ACMSD: variants seen among roughly 807,000 people sequenced by gnomAD.
ACMSD encodes aminocarboxymuconate semialdehyde decarboxylase.
A neutral mutation model predicts 45.9 loss-of-function variants in ACMSD; 37 were observed. The observed-to-expected ratio is 0.81, with a 90% confidence interval of 0.62 to 1.06. The LOEUF (loss-of-function observed/expected upper bound fraction) is 1.06. Among genes scored for constraint, ACMSD ranks in the 50% least tolerant of loss-of-function variants. The pLI, the probability that ACMSD is intolerant of heterozygous loss-of-function variation, is 0.00. For synonymous variants in ACMSD, 138 were observed against 148.8 expected (o/e 0.93, Z 0.53); for missense variants, 434 against 420.9 (o/e 1.03, Z -0.27).
Position 134,859,450 on chromosome 2 carries a change from T to C in ACMSD, c.199+93T>C, listed in dbSNP as rs557574825. On this transcript the variant is annotated intron_variant, in intron 3 of 9. Transcript: ENST00000356140. ...GACAACTTTATGTGATGGTAACTTC[T>C]GACCCCCTTTTCTCTGCCAGGACAG... 3.3e-6 allele frequency: 4 copies of C among 1,216,614 alleles called. No individual in the cohort carries two copies. The African/African-American group carries it at 5.9e-5, about 18-fold the overall frequency. The allele number at this position is 1,216,614 out of a possible 1,614,324, so 75.4% of individuals were successfully genotyped here. A position where few individuals can be genotyped will look rare whatever the true frequency, so the allele number is the denominator to read the frequency against.
chr2:134,897,967 T>G (rs1033278984), intron 8 of ACMSD, among the ~76,000 whole-genome samples: 18 of 151,238 alleles, frequency 1.2e-4, no homozygotes, highest in Admixed American at 6.6e-4. Flanking sequence ...TTTGAAAAAC[T>G]GTGGAATCAA....
rs1687736973 is a variant in ACMSD, at chr2:134,859,302, G to A, written c.144G>A (p.Val48=). The change falls in exon 3 of 10, where the codon GTG becomes GTA. Residue 48 remains valine, a synonymous_variant. Transcript: ENST00000356140. ...TGAAAGATGGGAAAGTCTTCAGAGT[G>A]GTGCGAGAGAATTGCTGGGATCCAG... is the stretch of plus-strand genomic sequence containing the variant. The part of the protein sequence containing the change: ...KLLKDGKVFR[V]VRENCWDPEV... The A allele has an allele frequency of 1.9e-6, 3 of 1,613,902 alleles. No individual in the cohort carries two copies. Among genetic ancestry groups the A allele is most frequent in the Non-Finnish European group, 1.7e-6 (2 of 1,179,986 alleles).
Position 134,871,712 on chromosome 2 carries a change from C to CACACACA in ACMSD, c.676+653_676+654insCACACAA, listed in dbSNP as rs1444636271. ...ACACACACACACACACACACACACACAATCAAACTACACATGTTACTCGCT... is the reference window on the plus strand; with the variant it reads ...ACACACACACACACACACACACACACACACACAAATCAAACTACACATGTTACTCGCT... On this transcript the variant is annotated intron_variant, in intron 7 of 9. Transcript: ENST00000356140. Among the ~76,000 whole-genome samples the CACACACA allele has an allele frequency of 4.0e-5, 6 of 151,098 alleles. No individual in the cohort carries two copies. The East Asian group carries it at 1.2e-3, about 29-fold the overall frequency.
intron 8 of ACMSD, among the ~76,000 whole-genome samples, chr2:134,884,870 C>G (rs143760134): frequency 6.6e-6 from 1 of 152,134 alleles, no homozygotes; most frequent in Non-Finnish European, 1.5e-5. Flanking sequence ...CCTCAAATAG[C>G]TCAAATTTAC....
At chr2:134,872,208 T>C (rs1052631492) in intron 7 of ACMSD, among the ~76,000 whole-genome samples, 1 of 152,134 alleles carries the variant, frequency 6.6e-6, no homozygotes, top group Non-Finnish European at 1.5e-5. Flanking sequence ...CTGCCATCCT[T>C]GGCCTCCCAA....
chr2:134,892,234 T>A (rs56408127), intron 8 of ACMSD, among the ~76,000 whole-genome samples: 6 of 131,658 alleles, frequency 4.6e-5, no homozygotes, highest in South Asian at 2.6e-4. Flanking sequence ...TATTTTTTTT[T>A]TAAAAAATCG....
chr2:134,861,408 CTCAT>C (rs1445072879), intron 3 of ACMSD, among the ~76,000 whole-genome samples: 2 of 152,162 alleles, frequency 1.3e-5, no homozygotes, highest in African/African-American at 4.8e-5. Flanking sequence ...ATGACCAACC[CTCAT>C]TGAGTATTTA....
intron 2 of ACMSD, among the ~76,000 whole-genome samples, chr2:134,857,420 G>A (rs990085508): frequency 1.3e-5 from 2 of 152,088 alleles, no homozygotes; most frequent in African/African-American, 4.8e-5. Context: ...TCCAGTCTGG[G>A]CAACAGAACA....
At chr2:134,890,939 T>A (rs1689749183) in intron 8 of ACMSD, among the ~76,000 whole-genome samples, 1 of 152,052 alleles carries the variant, frequency 6.6e-6, no homozygotes, top group Non-Finnish European at 1.5e-5. Context: ...CATATCTGTA[T>A]AACTATTCAT....
intron 2 of ACMSD, among the ~76,000 whole-genome samples, chr2:134,854,740 C>G (rs150448817): frequency 6.6e-6 from 1 of 152,198 alleles, no homozygotes; most frequent in Non-Finnish European, 1.5e-5. Context: ...TAATTGTGAA[C>G]GTTACTTCAC....
At chr2:134,838,763 T>C (rs755979686) in intron 1 of ACMSD, 24 bp downstream of exon 1, 1 of 1,578,082 alleles carries the variant, frequency 6.3e-7, no homozygotes, top group South Asian at 1.1e-5. Flanking sequence ...ATTTGCTGAA[T>C]TATTTCTGAA....
At chr2:134,900,505 G>A (rs142675082) in intron 9 of ACMSD, among the ~76,000 whole-genome samples, 14 of 152,242 alleles carry the variant, frequency 9.2e-5, no homozygotes, top group African/African-American at 3.1e-4. Context: ...CCCAAGAGAA[G>A]CTGTAAAGTG....
Position 134,859,331 on chromosome 2 carries a change from T to A in ACMSD, c.173T>A (p.Val58Asp). 6.2e-7 allele frequency: 1 copy of A among 1,614,056 alleles called. No individual in the cohort carries two copies. Among genetic ancestry groups the A allele is most frequent in the Non-Finnish European group, 8.5e-7 (1 of 1,179,980 alleles). Residue 58 changes from valine to aspartate, a missense_variant, in exon 3 of 10, where the codon GTT becomes GAT. Coordinates refer to ENST00000356140, the MANE Select transcript of ACMSD (RefSeq NM_138326.3). ...VVRENCWDPEVRIREMDQKGV... is the reference protein window; with the variant it reads ...VVRENCWDPEDRIREMDQKGV... ...CGAGAGAATTGCTGGGATCCAGAAG[T>A]TCGTATTAGAGAAATGGACCAAAAA... is the stretch of plus-strand genomic sequence containing the variant.
At chr2:134,890,249 G>A (rs1382751012) in intron 8 of ACMSD, among the ~76,000 whole-genome samples, 1 of 152,030 alleles carries the variant, frequency 6.6e-6, no homozygotes, top group East Asian at 1.9e-4. Context: ...ATAATGCACT[G>A]AATAAGACTC....
intron 9 of ACMSD, among the ~76,000 whole-genome samples, chr2:134,899,922 T>C (rs1690404190): frequency 6.6e-6 from 1 of 152,190 alleles, no homozygotes; most frequent in Admixed American, 6.5e-5. Context: ...AAAAGAATCT[T>C]TATATGCCTG....
chr2:134,862,959 A>T, intron 4 of ACMSD: 1 of 985,444 alleles, frequency 1.0e-6, no homozygotes, highest in South Asian at 4.7e-5. Flanking sequence ...GGGCAGGACA[A>T]GTCAGTGAGC....
intron 9 of ACMSD, among the ~76,000 whole-genome samples, chr2:134,901,311 C>T (rs1690487188): frequency 6.6e-6 from 1 of 152,022 alleles, no homozygotes. Context: ...GGATTTGTAC[C>T]CTCATCTGAG....
At chr2:134,885,182 T>A (rs1689253590) in intron 8 of ACMSD, among the ~76,000 whole-genome samples, 1 of 140,752 alleles carries the variant, frequency 7.1e-6, no homozygotes, top group African/African-American at 2.7e-5. Flanking sequence ...GGTGATGGAG[T>A]GAGACTTTGT....
chr2:134,892,083 G>A (rs74265413), intron 8 of ACMSD, among the ~76,000 whole-genome samples: 5 of 151,850 alleles, frequency 3.3e-5, no homozygotes, highest in Non-Finnish European at 7.4e-5. Flanking sequence ...TGGAAGGGTG[G>A]GAGGGTGGAT....
Sources: allele counts gnomAD v4.1 joint callset (sites outside exome capture counted in the v4.1 genomes callset), GRCh38; gene constraint gnomAD v4.1.1; transcripts MANE v1.5; gene names NCBI Gene and HGNC (gene_info 2026-07-23, HGNC 2026-07-21).